Variants in C14orf93 observed in about 807,000 individuals in gnomAD.
C14orf93 encodes the protein chromosome 14 open reading frame 93, also known as uncharacterized protein C14orf93.
Under a neutral mutation model 44.0 loss-of-function variants are expected in C14orf93, and 23 were observed. That is an observed-to-expected ratio of 0.52 (90% CI 0.38 to 0.74). The LOEUF (loss-of-function observed/expected upper bound fraction) is 0.74, where lower values mean the gene tolerates loss of function less well. Ranked by LOEUF, C14orf93 falls within the 30% of genes least tolerant of loss-of-function variation. The probability of loss-of-function intolerance (pLI) is 0.00; values close to 1 mark genes in which losing one functional copy is unlikely to be tolerated. For synonymous variants in C14orf93, 253 were observed against 265.7 expected (o/e 0.95, Z 0.46); for missense variants, 579 against 678.9 (o/e 0.85, Z 1.64).
chr14:22,993,513 C>T (rs555690546), intron 3 of C14orf93, among the ~76,000 whole-genome samples: 7 of 151,310 alleles, frequency 4.6e-5, no homozygotes, highest in African/African-American at 1.2e-4. Context: ...AAGGAGTGGG[C>T]GAATGTTTCA....
At position 22,996,230 on chromosome 14, in the gene C14orf93, C is replaced by G; in HGVS notation, c.636G>C (p.Gln212His). Residue 212 changes from glutamine to histidine, a missense_variant, in exon 3 of 7, where the codon CAG becomes CAC. Physicochemically the swap from Gln to His is conservative, Grantham distance 24. Coordinates refer to ENST00000299088, the MANE Select transcript of C14orf93 (RefSeq NM_021944.4). The surrounding 1 kb of genome is among the most constrained non-coding windows in gnomAD (Gnocchi z 4.1). ...DDYVASEGAV[Q>H]RVLVPAYAKQ... ...TGGCATAAGCAGGGACCAGAACTCG[C>G]TGTACTGCACCCTCAGAGGCCACGT... The G allele has an allele frequency of 6.3e-7, 1 of 1,585,236 alleles. No homozygotes were observed. The highest frequency in any genetic ancestry group is 8.6e-7 in the Non-Finnish European group (1 of 1,161,240).
At chr14:23,000,817 G>C in intron 1 of C14orf93, 1 of 151,810 alleles carries the variant, frequency 6.6e-6, no homozygotes, top group East Asian at 1.9e-4. Flanking sequence ...TTCAGAAAGA[G>C]GCAATATCAA....
chr14:22,991,543 C>T (rs773511100), intron 3 of C14orf93, among the ~76,000 whole-genome samples: 9 of 151,626 alleles, frequency 5.9e-5, no homozygotes, highest in Non-Finnish European at 1.3e-4. Context: ...CCGCACCGGG[C>T]CTGTTTAATA....
At chr14:23,006,946 T>A (rs1385217972) in intron 1 of C14orf93, 1 of 151,834 alleles carries the variant, frequency 6.6e-6, no homozygotes, top group African/African-American at 2.4e-5. Flanking sequence ...CCGGGGAGGG[T>A]AGACTACGTA....
chr14:22,986,088 C>T lies in C14orf93; in HGVS notation c.*1127G>A, dbSNP rs560461869. 1.4e-4 allele frequency: 21 copies of T among 152,406 alleles called. No homozygotes were observed. Among genetic ancestry groups the T allele is most frequent in the African/African-American group, 4.3e-4 (18 of 41,588 alleles). 9.4% of individuals were successfully genotyped at this position (152,406 alleles called of 1,614,324 possible). ...TAGAACTGGACCTTGTCTGTACTCT[C>T]TCTTGCCCCTGGACTTTTGTACCTG... On this transcript the variant is annotated 3_prime_UTR_variant, in exon 7 of 7. Transcript: ENST00000299088.
At chr14:22,992,306 A>T (rs534064731) in intron 3 of C14orf93, among the ~76,000 whole-genome samples, 1 of 151,990 alleles carries the variant, frequency 6.6e-6, no homozygotes, top group South Asian at 2.1e-4. Context: ...TCTCTACTAA[A>T]AATACAAAAA....
chr14:22,997,554 T>G (rs2046062073), intron 2 of C14orf93, among the ~76,000 whole-genome samples: 1 of 152,194 alleles, frequency 6.6e-6, no homozygotes, highest in Non-Finnish European at 1.5e-5. Flanking sequence ...CCATCTCCTT[T>G]TCATACTTCC....
At position 22,996,640 on chromosome 14, in the gene C14orf93, G is replaced by C. The variant is rs2045987102; in HGVS notation, c.598-372C>G. 6.6e-6 allele frequency among the ~76,000 whole-genome samples: 1 copy of C among 152,202 alleles called. No individual in the cohort carries two copies. Among genetic ancestry groups the C allele is most frequent in the African/African-American group, 2.4e-5 (1 of 41,448 alleles). ...CAAGAAAGAAACCAAGCAAGAGAAG[G>C]AGTAAGAAAATAAAACAGTAACAGC... On this transcript the variant is annotated intron_variant, in intron 2 of 6. Transcript: ENST00000299088. This position sits in a 1 kb window ranked among gnomAD's most constrained non-coding sequence, Gnocchi z 4.1.
intron 2 of C14orf93, 76 bp downstream of exon 2, chr14:22,998,346 GAAAGA>G: frequency 7.0e-7 from 1 of 1,424,490 alleles, no homozygotes; most frequent in African/African-American, 1.4e-5. Context: ...TTTAAAGATG[GAAAGA>G]AAAGAACAGA....
chr14:22,998,707 G>C lies in C14orf93; in HGVS notation c.317C>G (p.Ser106Cys). 6.2e-7 allele frequency: 1 copy of C among 1,614,234 alleles called. No individual in the cohort carries two copies. The highest frequency in any genetic ancestry group is 8.5e-7 in the Non-Finnish European group (1 of 1,180,036). ...EVGDLRQGKV[S>C]IPDEDGESRA... ...GCTTTCCCCATCTTCATCAGGGATG[G>C]ACACTTTCCCTTGCCTCAGGTCACC... is the stretch of plus-strand genomic sequence containing the variant. The change falls in exon 2 of 7, where the codon TCC becomes TGC. Residue 106 changes from serine to cysteine, a missense_variant. By Grantham distance (112) the Ser-to-Cys change is moderately radical. Transcript: ENST00000299088.
At position 22,987,834 on chromosome 14, in the gene C14orf93, C is replaced by T. The variant is rs1177963582; in HGVS notation, c.1197+69G>A. The T allele has an allele frequency of 1.5e-6, 2 of 1,356,356 alleles. No individual in the cohort carries two copies. Among genetic ancestry groups the T allele is most frequent in the African/African-American group, 1.4e-5 (1 of 69,088 alleles). The allele number at this position is 1,356,356 out of a possible 1,614,324, so 84.0% of individuals were successfully genotyped here. On this transcript the variant is annotated intron_variant, in intron 6 of 6. Coordinates refer to ENST00000299088, the MANE Select transcript of C14orf93 (RefSeq NM_021944.4). The surrounding 1 kb of genome is among the most constrained non-coding windows in gnomAD (Gnocchi z 5.6). The stretch of plus-strand genomic sequence containing the variant: ...TCAACCCTATTCTCATATGCCATGT[C>T]CTCTGGCCCTTCCCACTTAGGAAAG...
intron 1 of C14orf93, among the ~76,000 whole-genome samples, chr14:23,009,392 GAAAAT>G (rs1381703358): frequency 6.6e-6 from 1 of 152,014 alleles, no homozygotes; most frequent in East Asian, 1.9e-4. Flanking sequence ...TATCACTTTT[GAAAAT>G]AAAATCTGAT....
rs2046136932 is a variant in C14orf93, at chr14:22,998,669, A to C, written c.355T>G (p.Ser119Ala). 6.2e-7 allele frequency: 1 copy of C among 1,613,928 alleles called. No individual in the cohort carries two copies. Among genetic ancestry groups the C allele is most frequent in the African/African-American group, 1.3e-5 (1 of 74,910 alleles). Residue 119 changes from serine to alanine, a missense_variant, in exon 2 of 7, where the codon TCC (serine) becomes GCC (alanine). Physicochemically the swap from Ser to Ala is moderately conservative, Grantham distance 99. Transcript: ENST00000299088. ...AGAGGCCCAGGCTCCTCAGGTGGGG[A>C]ACTATGTGCCCGGCTTTCCCCATCT... ...DEDGESRAHS[S>A]PPEEPGPLKE...
chr14:22,996,247 A>T lies in C14orf93; in HGVS notation c.619T>A (p.Ser207Thr). 1 of 1,561,186 alleles carries T rather than the reference A, an allele frequency of 6.4e-7. No individual in the cohort carries two copies. Among genetic ancestry groups the T allele is most frequent in the Non-Finnish European group, 8.7e-7 (1 of 1,148,548 alleles). ...LNPLVDDYVA[S>T]EGAVQRVLVP... ...AGAACTCGCTGTACTGCACCCTCAG[A>T]GGCCACGTAATCATCCACCAGCTAA... The change falls in exon 3 of 7, where the codon TCT becomes ACT. Residue 207 changes from serine to threonine, a missense_variant. Coordinates refer to ENST00000299088, the MANE Select transcript of C14orf93 (RefSeq NM_021944.4). This position sits in a 1 kb window ranked among gnomAD's most constrained non-coding sequence, Gnocchi z 4.1.
intron 1 of C14orf93, chr14:23,001,134 C>T (rs2046270680): frequency 6.6e-6 from 1 of 152,186 alleles, no homozygotes; most frequent in Non-Finnish European, 1.5e-5. Context: ...TCTTTTCCTT[C>T]CTAAATAAGG....
Position 22,987,965 on chromosome 14 carries a change from G to A in C14orf93, c.1135C>T (p.Leu379=). ...LTKRREYRNS[L]NPFKGLKEKE... is the part of the protein sequence containing the mutation. ...TCCTTCAGGCCTTTAAAGGGGTTCA[G>A]GGAGTTGCGGTACTCACGCCTCTTA... The change falls in exon 6 of 7, where the codon CTG becomes TTG. Residue 379 remains leucine (L), a synonymous_variant. Coordinates refer to ENST00000299088, the MANE Select transcript of C14orf93 (RefSeq NM_021944.4). The surrounding 1 kb of genome is among the most constrained non-coding windows in gnomAD (Gnocchi z 5.6). 1 of 1,613,994 alleles carries A rather than the reference G, an allele frequency of 6.2e-7. No homozygotes were observed. The highest frequency in any genetic ancestry group is 8.5e-7 in the Non-Finnish European group (1 of 1,179,920).
rs1209760930 is a variant in C14orf93 at position 22,996,983 on chromosome 14, G to GCGCA, written c.598-716_598-715insTGCG. Among the ~76,000 whole-genome samples the GCGCA allele has an allele frequency of 3.2e-5, 2 of 62,534 alleles. No homozygotes were observed. The highest frequency in any genetic ancestry group is 1.7e-4 in the Admixed American group (1 of 5,842). The allele number at this position is 62,534 out of a possible 152,430, so 41.0% of individuals were successfully genotyped here. ...TGAAAGTGGGGACACACACGCACACGCACACACACACACACACACACACAC... is the reference window on the plus strand; with the variant it reads ...TGAAAGTGGGGACACACACGCACACGCGCACACACACACACACACACACACACAC... On this transcript the variant is annotated intron_variant, in intron 2 of 6. Coordinates refer to ENST00000299088, the MANE Select transcript of C14orf93 (RefSeq NM_021944.4). The surrounding 1 kb of genome is among the most constrained non-coding windows in gnomAD (Gnocchi z 4.1).
chr14:22,990,255 C>G (rs940209753), intron 3 of C14orf93, 128 bp from the exon 4 acceptor site: 2 of 717,184 alleles, frequency 2.8e-6, no homozygotes, highest in African/African-American at 3.6e-5. Flanking sequence ...AAGCCAAGAG[C>G]CTATCCAAGT....
intron 1 of C14orf93, chr14:23,007,132 C>G (rs2046661463): frequency 6.6e-6 from 1 of 152,210 alleles, no homozygotes; most frequent in Admixed American, 6.5e-5. Flanking sequence ...CTATCCGCGG[C>G]GCCTGCCCGT....
Sources: allele counts gnomAD v4.1 joint callset (sites outside exome capture counted in the v4.1 genomes callset), GRCh38; gene constraint gnomAD v4.1.1; non-coding constraint Gnocchi (gnomAD v3.1); transcripts MANE v1.5; gene names NCBI Gene and HGNC (gene_info 2026-07-23, HGNC 2026-07-21).